EPN2: variants seen among roughly 807,000 people sequenced by gnomAD.
EPN2 encodes epsin 2.
In EPN2, 34 loss-of-function variants were observed where a neutral mutation model predicts 61.7. The observed-to-expected ratio is 0.55, with a 90% CI of 0.42 to 0.73. EPN2 has a LOEUF of 0.73. Among genes scored for constraint, EPN2 ranks in the 30% least tolerant of loss-of-function variants. The pLI is 0.00. For synonymous variants in EPN2, 349 were observed against 353.6 expected, an observed-to-expected ratio of 0.99 and a Z score of 0.15; for missense variants, 714 against 839.2, an observed-to-expected ratio of 0.85 and a Z score of 1.84.
At chr17:19,243,220 C>CTT (rs71155386) in intron 1 of EPN2, among the ~76,000 whole-genome samples, 8,854 of 127,064 alleles carry the variant, frequency 0.07, 1,217 homozygotes, top group African/African-American at 0.25. Flanking sequence ...GAGAATGTGT[C>CTT]TTTTTTTTTT....
At chr17:19,310,191 A>T (rs1906052964) in intron 5 of EPN2, among the ~76,000 whole-genome samples, 194 bp downstream of exon 5, 1 of 152,234 alleles carries the variant, frequency 6.6e-6, no homozygotes, top group Admixed American at 6.5e-5. Context: ...GAGGGATCCC[A>T]TGCAAAGTTA....
At chr17:19,289,925 A>G (rs2152220613) in intron 4 of EPN2, among the ~76,000 whole-genome samples, 1 of 151,782 alleles carries the variant, frequency 6.6e-6, no homozygotes, top group South Asian at 2.1e-4. Flanking sequence ...AGGTTTCATC[A>G]TGTTGGCCAG....
intron 6 of EPN2, 95 bp downstream of exon 6, chr17:19,312,239 G>T (rs1937619021): frequency 7.0e-6 from 6 of 861,256 alleles, no homozygotes; most frequent in Non-Finnish European, 7.9e-6. Flanking sequence ...GTGATGCACA[G>T]TGAGTTCTCC....
intron 1 of EPN2, among the ~76,000 whole-genome samples, chr17:19,237,752 T>C (rs989839357): frequency 2.6e-5 from 4 of 151,884 alleles, no homozygotes; most frequent in African/African-American, 9.7e-5. Context: ...ATGGCCCCCT[T>C]CCCATCTGGA....
intron 4 of EPN2, among the ~76,000 whole-genome samples, chr17:19,305,282 C>A (rs961462113): frequency 2.0e-5 from 3 of 152,094 alleles, no homozygotes; most frequent in Non-Finnish European, 4.4e-5. Flanking sequence ...CCACCACACC[C>A]AGCTAAATTT....
intron 1 of EPN2, 82 bp downstream of exon 1, chr17:19,237,613 C>G (rs1220601508): frequency 6.6e-6 from 1 of 152,414 alleles, no homozygotes; most frequent in Admixed American, 6.5e-5. Context: ...CGCGGACGCC[C>G]CCAGAGCACA....
intron 1 of EPN2, among the ~76,000 whole-genome samples, chr17:19,239,272 G>A (rs1237741302): frequency 6.6e-6 from 1 of 152,072 alleles, no homozygotes; most frequent in Non-Finnish European, 1.5e-5. Context: ...CTCAGCCTCC[G>A]GAGTAGCTGG....
chr17:19,286,654 A>G (rs1339738307), intron 4 of EPN2, among the ~76,000 whole-genome samples: 8 of 152,216 alleles, frequency 5.3e-5, no homozygotes, highest in Non-Finnish European at 2.9e-5. Context: ...GCCTTTATTC[A>G]GCCCTGGAAA....
chr17:19,310,353 G>A (rs914483815), intron 5 of EPN2, among the ~76,000 whole-genome samples: 2 of 152,076 alleles, frequency 1.3e-5, no homozygotes, highest in Non-Finnish European at 2.9e-5. Flanking sequence ...CAGGGTGGGC[G>A]CAGGGATGCA....
chr17:19,287,648 A>G (rs944793764), intron 4 of EPN2, among the ~76,000 whole-genome samples: 1 of 152,208 alleles, frequency 6.6e-6, no homozygotes, highest in South Asian at 2.1e-4. Flanking sequence ...GATGCCGGCC[A>G]TTCAGAAAAC....
At chr17:19,240,918 G>A (rs937969493) in intron 1 of EPN2, among the ~76,000 whole-genome samples, 2 of 152,156 alleles carry the variant, frequency 1.3e-5, no homozygotes, top group African/African-American at 4.8e-5. Context: ...CATTTTTATG[G>A]CTCCCTACTG....
intron 6 of EPN2, 31 bp downstream of exon 6, chr17:19,312,175 A>G: frequency 6.6e-7 from 1 of 1,522,994 alleles, no homozygotes. Context: ...TAGATGTTTC[A>G]CCCTGTCCTG....
intron 9 of EPN2, among the ~76,000 whole-genome samples, chr17:19,331,374 G>T (rs991117057): frequency 6.6e-6 from 1 of 152,152 alleles, no homozygotes; most frequent in South Asian, 2.1e-4. Context: ...GCATCCCGTC[G>T]TGGCAATCAC....
chr17:19,268,858 A>G (rs1359842806), intron 1 of EPN2, among the ~76,000 whole-genome samples: 2 of 152,168 alleles, frequency 1.3e-5, no homozygotes, highest in Non-Finnish European at 2.9e-5. Flanking sequence ...GCAGTATAGA[A>G]TGCCACAGGC....
In EPN2 at chr17:19,271,252, C is replaced by T. The variant is rs115436043; in HGVS notation, c.-293-10703C>T. ...CTCTGTTCCAGATGACAGCTGGTGA[C>T]GTTGATAGAGAGTGCCTGATGGGTT... is the stretch of plus-strand genomic sequence containing the variant. On this transcript the variant is annotated intron_variant, in intron 1 of 10. Coordinates refer to ENST00000314728, the MANE Select transcript of EPN2 (RefSeq NM_014964.5). 2.4e-3 allele frequency among the ~76,000 whole-genome samples: 367 copies of T among 152,026 alleles called. 5 individuals carry two copies. Among genetic ancestry groups the T allele is most frequent in the African/African-American group, 8.4e-3 (348 of 41,460 alleles).
intron 4 of EPN2, among the ~76,000 whole-genome samples, chr17:19,297,946 G>A (rs1314730215): frequency 3.3e-5 from 5 of 151,752 alleles, no homozygotes; most frequent in Admixed American, 6.6e-5. Context: ...GCACGATCTC[G>A]GCTCACTGCA....
chr17:19,267,462 T>C (rs2045211544), intron 1 of EPN2, among the ~76,000 whole-genome samples: 4 of 151,748 alleles, frequency 2.6e-5, no homozygotes, highest in African/African-American at 9.7e-5. Flanking sequence ...CCTGACTTCG[T>C]ATATGTTACT....
At chr17:19,292,366 T>C (rs947865258) in intron 4 of EPN2, among the ~76,000 whole-genome samples, 2 of 152,228 alleles carry the variant, frequency 1.3e-5, no homozygotes, top group Non-Finnish European at 2.9e-5. Flanking sequence ...CCATTGGGTT[T>C]TGGGGATGGA....
At chr17:19,316,280 TAA>T (rs1210769426) in intron 7 of EPN2, among the ~76,000 whole-genome samples, 1 of 152,264 alleles carries the variant, frequency 6.6e-6, no homozygotes, top group Non-Finnish European at 1.5e-5. Context: ...TTGAGCTAAT[TAA>T]AAGCTATCTG....
Sources: gnomAD v4.1 joint callset for allele counts (sites outside exome capture counted in the v4.1 genomes callset) on GRCh38, gnomAD v4.1.1 for gene constraint, MANE v1.5 for transcripts, NCBI Gene and HGNC (gene_info 2026-07-23, HGNC 2026-07-21) for gene names.